TXNDC8: variants seen among roughly 807,000 people sequenced by gnomAD.
The protein encoded by TXNDC8 is thioredoxin domain-containing protein 8.
A neutral mutation model predicts 12.9 loss-of-function variants in TXNDC8; 15 were observed. That is an observed-to-expected ratio of 1.16 (90% CI 0.78 to 1.79). TXNDC8 has a LOEUF of 1.79. TXNDC8 is among the 40% of genes most tolerant of loss of function. TXNDC8 has a pLI of 0.00. For synonymous variants in TXNDC8, 40 were observed against 35.4 expected (o/e 1.13, Z -0.46); for missense variants, 128 against 113.2 (o/e 1.13, Z -0.59).
At chr9:110,331,222 T>C (rs1394196954) in intron 2 of TXNDC8, among the ~76,000 whole-genome samples, 1 of 152,198 alleles carries the variant, frequency 6.6e-6, no homozygotes, top group Non-Finnish European at 1.5e-5. Context: ...GTACTGGTTG[T>C]GCTAGAGGCA....
chr9:110,328,078 T>G (rs1005265067), intron 2 of TXNDC8, among the ~76,000 whole-genome samples: 1 of 152,236 alleles, frequency 6.6e-6, no homozygotes, highest in Non-Finnish European at 1.5e-5. Context: ...TCTCATTTTA[T>G]CTTCGGTTAA....
intron 3 of TXNDC8, among the ~76,000 whole-genome samples, chr9:110,307,501 C>G (rs1207083332): frequency 3.9e-5 from 6 of 152,144 alleles, no homozygotes; most frequent in Non-Finnish European, 5.9e-5. Context: ...GCACAGATAG[C>G]TTTCTTTTGA....
At chr9:110,322,480 A>G in intron 3 of TXNDC8, 2 of 985,396 alleles carry the variant, frequency 2.0e-6, no homozygotes, top group Non-Finnish European at 2.4e-6. Flanking sequence ...ATTGTTTATA[A>G]ATGTCCTCTC....
intron 3 of TXNDC8, among the ~76,000 whole-genome samples, chr9:110,320,785 TC>T (rs1366651530): frequency 6.6e-6 from 1 of 152,134 alleles, no homozygotes; most frequent in African/African-American, 2.4e-5. Flanking sequence ...AAGTTTTGGG[TC>T]CCCCATCTGG....
At chr9:110,332,467 G>A (rs902053411) in intron 2 of TXNDC8, among the ~76,000 whole-genome samples, 2 of 152,176 alleles carry the variant, frequency 1.3e-5, no homozygotes, top group African/African-American at 2.4e-5. Context: ...CAAAGATTGT[G>A]ACTGTGGTTA....
intron 2 of TXNDC8, 26 bp downstream of exon 2, chr9:110,334,190 A>G: frequency 6.7e-7 from 1 of 1,490,894 alleles, no homozygotes; most frequent in South Asian, 1.3e-5. Context: ...TTCTGAAACT[A>G]TGAGATATAT....
intron 2 of TXNDC8, among the ~76,000 whole-genome samples, chr9:110,327,996 A>T (rs1192148895): frequency 6.6e-6 from 1 of 152,266 alleles, no homozygotes; most frequent in African/African-American, 2.4e-5. Context: ...ACTTTAATGA[A>T]GCTTGAAGGA....
At chr9:110,314,413 TTTTTTCTTTTTC>T (rs1267001188) in intron 3 of TXNDC8, among the ~76,000 whole-genome samples, 1 of 149,934 alleles carries the variant, frequency 6.7e-6, no homozygotes, top group African/African-American at 2.5e-5. Context: ...TTTTTTTTCT[TTTTTTCTTTTTC>T]TTTTTCTTTT....
At chr9:110,328,721 A>T (rs1839434674) in intron 2 of TXNDC8, among the ~76,000 whole-genome samples, 1 of 152,200 alleles carries the variant, frequency 6.6e-6, no homozygotes, top group Non-Finnish European at 1.5e-5. Context: ...CAGGAGAATC[A>T]CTTGAACCCA....
At chr9:110,303,179 A>G (rs529212391), downstream of TXNDC8, among the ~76,000 whole-genome samples, 5 of 152,280 alleles carry the variant, frequency 3.3e-5, no homozygotes, top group South Asian at 1.0e-3. Flanking sequence ...TTGTTCCTTG[A>G]CCACTGGGAA....
intron 2 of TXNDC8, among the ~76,000 whole-genome samples, chr9:110,330,115 A>G (rs1839492912): frequency 6.6e-6 from 1 of 152,198 alleles, no homozygotes; most frequent in Non-Finnish European, 1.5e-5. Context: ...CTGTGTTCAT[A>G]CCTTAAGGAC....
intron 3 of TXNDC8, among the ~76,000 whole-genome samples, chr9:110,312,315 T>C (rs969472658): frequency 6.6e-5 from 10 of 152,248 alleles, no homozygotes; most frequent in Non-Finnish European, 4.4e-5. Flanking sequence ...TTTTCATTTG[T>C]AACAGGACAC....
intron 3 of TXNDC8, among the ~76,000 whole-genome samples, chr9:110,322,125 C>T (rs754215508): frequency 1.3e-4 from 20 of 151,568 alleles, no homozygotes; most frequent in Admixed American, 2.6e-4. Context: ...GATATGATTA[C>T]GATGTACAAA....
At chr9:110,302,236 A>G (rs1228251626), downstream of TXNDC8, among the ~76,000 whole-genome samples, 1 of 152,018 alleles carries the variant, frequency 6.6e-6, no homozygotes. Flanking sequence ...CCTGGGCTCA[A>G]GTGATCCTCC....
intron 3 of TXNDC8, among the ~76,000 whole-genome samples, chr9:110,312,076 G>A (rs908931099): frequency 8.6e-5 from 13 of 151,776 alleles, no homozygotes; most frequent in African/African-American, 2.9e-4. Context: ...AAAAACCGAA[G>A]TAATATTTTT....
At chr9:110,332,622 CA>C (rs1407529173) in intron 2 of TXNDC8, among the ~76,000 whole-genome samples, 1 of 151,966 alleles carries the variant, frequency 6.6e-6, no homozygotes, top group Non-Finnish European at 1.5e-5. Context: ...ACCATAAAAA[CA>C]TGTAAAGTTT....
chr9:110,324,434 G>T (rs1318971595), intron 3 of TXNDC8, among the ~76,000 whole-genome samples: 1 of 152,122 alleles, frequency 6.6e-6, no homozygotes, highest in Non-Finnish European at 1.5e-5. Context: ...ATAAAATTCT[G>T]CAGCTAGCAT....
chr9:110,323,858 C>G, intron 3 of TXNDC8: 1 of 1,548,710 alleles, frequency 6.5e-7, no homozygotes, highest in Non-Finnish European at 8.7e-7. Flanking sequence ...CCAGTGATAT[C>G]AAAGGAGAAG....
intron 3 of TXNDC8, among the ~76,000 whole-genome samples, chr9:110,311,791 C>G (rs1344241788): frequency 1.4e-5 from 2 of 139,802 alleles, no homozygotes; most frequent in East Asian, 4.1e-4. Context: ...TATGGATATA[C>G]TATATACTAT....
Sources: gnomAD v4.1 joint callset for allele counts (sites outside exome capture counted in the v4.1 genomes callset) on GRCh38, gnomAD v4.1.1 for gene constraint, MANE v1.5 for transcripts, NCBI Gene and HGNC (gene_info 2026-07-23, HGNC 2026-07-21) for gene names.